The following GOLGA3 variants were observed in gnomAD, a reference collection of about 807,000 sequenced individuals.
The protein encoded by GOLGA3 is golgin subfamily A member 3.
GOLGA3 carries 75 observed loss-of-function variants against 169.4 expected under a neutral mutation model. That is an observed-to-expected ratio of 0.44 (90% CI 0.37 to 0.54). GOLGA3 has a LOEUF of 0.54. GOLGA3 is among the 20% of genes least tolerant of loss of function. The pLI, the probability that GOLGA3 is intolerant of heterozygous loss-of-function variation, is 0.00. For missense variants in GOLGA3, 1,899 were observed against 1,930.0 expected, an observed-to-expected ratio of 0.98 and a Z score of 0.30; for synonymous variants, 824 against 822.4, an observed-to-expected ratio of 1.00 and a Z score of -0.03.
rs1437943434 is a variant in GOLGA3, at chr12:132,796,943, G to A, written c.1939-243C>T. Among the ~76,000 whole-genome samples, 3 of 152,262 alleles carry A rather than the reference G, an allele frequency of 2.0e-5. No individual in the cohort carries two copies. The East Asian group carries it at 5.8e-4, about 29-fold the overall frequency. ...GTGAGAAGGACTTGGACCCACTGGT[G>A]AGCAGAGCCTCCCCGACTTTCTCGT... On this transcript the variant is annotated intron_variant, in intron 9 of 23. Coordinates refer to ENST00000450791, the MANE Select transcript of GOLGA3 (RefSeq NM_001389683.1).
chr12:132,809,789 T>G (rs1013879394), intron 4 of GOLGA3, among the ~76,000 whole-genome samples: 3 of 152,244 alleles, frequency 2.0e-5, no homozygotes, highest in African/African-American at 7.2e-5. Context: ...CTAAGATCTA[T>G]ATCTGGTGTA....
intron 4 of GOLGA3, among the ~76,000 whole-genome samples, chr12:132,809,338 G>A (rs866597705): frequency 2.6e-5 from 4 of 152,158 alleles, no homozygotes; most frequent in East Asian, 1.9e-4. Context: ...GGATAACTGC[G>A]GGCAGGCCTG....
chr12:132,814,023 CTTTTT>C (rs34633724), intron 3 of GOLGA3, among the ~76,000 whole-genome samples: 17 of 102,984 alleles, frequency 1.7e-4, no homozygotes, highest in African/African-American at 1.9e-4. Context: ...CGCGCCCGGC[CTTTTT>C]TTTTTTTTTT....
intron 8 of GOLGA3, among the ~76,000 whole-genome samples, chr12:132,799,816 C>G (rs1949042913): frequency 6.6e-6 from 1 of 152,036 alleles, no homozygotes; most frequent in East Asian, 1.9e-4. Context: ...TCTTGGCTCA[C>G]TACAACCTCT....
At position 132,771,025 on chromosome 12, in the gene GOLGA3, A is replaced by G. The variant is rs1414985667; in HGVS notation, c.*2080T>C. The G allele has an allele frequency of 2.0e-5, 3 of 152,652 alleles. No homozygotes were observed. The highest frequency in any genetic ancestry group is 7.2e-5 in the African/African-American group (3 of 41,456). 9.5% of individuals were successfully genotyped at this position (152,652 alleles called of 1,614,324 possible). ...GCCGTATTTTTTTTTCTAATGGTAC[A>G]AGAACAATTTAGTAAATAACATCTT... On this transcript the variant is annotated 3_prime_UTR_variant, in exon 24 of 24. Coordinates refer to ENST00000450791, the MANE Select transcript of GOLGA3 (RefSeq NM_001389683.1).
intron 7 of GOLGA3, among the ~76,000 whole-genome samples, chr12:132,803,815 C>G (rs1208763844): frequency 6.6e-6 from 1 of 152,154 alleles, no homozygotes; most frequent in Non-Finnish European, 1.5e-5. Flanking sequence ...ACCAGGGACC[C>G]CTGGCTCAGG....
At chr12:132,828,109 A>G (rs543848024) in intron 1 of GOLGA3, among the ~76,000 whole-genome samples, 1 of 151,786 alleles carries the variant, frequency 6.6e-6, no homozygotes, top group Non-Finnish European at 1.5e-5. Flanking sequence ...TTTTCTCACA[A>G]TTTTGCCTGG....
chr12:132,816,462 G>T, intron 3 of GOLGA3, 78 bp downstream of exon 3: 1 of 1,441,718 alleles, frequency 6.9e-7, no homozygotes, highest in Non-Finnish European at 9.6e-7. Context: ...CAGACAGTGA[G>T]TGCGCAGGGC....
At chr12:132,780,231 GCA>G (rs748422072) in intron 18 of GOLGA3, among the ~76,000 whole-genome samples, 2 of 152,062 alleles carry the variant, frequency 1.3e-5, no homozygotes, top group Non-Finnish European at 2.9e-5. Context: ...CCCCCCATGT[GCA>G]CACACACGGC....
chr12:132,774,122 G>C, intron 23 of GOLGA3, 35 bp downstream of exon 23: 1 of 1,531,860 alleles, frequency 6.5e-7, no homozygotes, highest in Non-Finnish European at 8.8e-7. Context: ...TAATCTTTAA[G>C]ACTAGCTGAA....
chr12:132,782,770 G>A (rs1188959687), intron 16 of GOLGA3, among the ~76,000 whole-genome samples: 1 of 151,862 alleles, frequency 6.6e-6, no homozygotes, highest in Non-Finnish European at 1.5e-5. Flanking sequence ...CAGCTACTCA[G>A]GAGGCTGAGG....
At chr12:132,814,139 C>T (rs75343869) in intron 3 of GOLGA3, among the ~76,000 whole-genome samples, 2 of 151,568 alleles carry the variant, frequency 1.3e-5, no homozygotes, top group Admixed American at 6.6e-5. Flanking sequence ...ATTCTCCTGC[C>T]ACAGCCTCCT....
At position 132,784,302 on chromosome 12, in the gene GOLGA3, C is replaced by T; in HGVS notation, c.3129G>A (p.Arg1043=). ...GCAGCTCCGCCTCCAGGGCCTGGAT[C>T]CTTTCCTAAGGGCCAAGATGGAACG... is the stretch of plus-strand genomic sequence containing the variant. ...SSDSSLALHE[R]IQALEAELQA... The change falls in exon 16 of 24, where the codon AGG becomes AGA. Residue 1043 remains arginine, a synonymous_variant. Coordinates refer to ENST00000450791, the MANE Select transcript of GOLGA3 (RefSeq NM_001389683.1). The T allele has an allele frequency of 6.2e-7, 1 of 1,606,834 alleles. No individual in the cohort carries two copies. Among genetic ancestry groups the T allele is most frequent in the Non-Finnish European group, 8.5e-7 (1 of 1,179,340 alleles).
rs63295864 is a variant in GOLGA3 at position 132,782,875 on chromosome 12, C to CA, written c.3268-383dup. Among the ~76,000 whole-genome samples the CA allele has an allele frequency of 9.3e-3, 953 of 102,034 alleles. 4 individuals are homozygous for CA. The highest frequency in any genetic ancestry group is 0.016 in the South Asian group (49 of 3,120). 66.9% of individuals were successfully genotyped at this position (102,034 alleles called of 152,430 possible). Reference sequence around the variant, plus strand: ...TGGGCAACACAGCGAGACTCTGTCTCAAAAAAAAAAAAAAAAAGAAAAAGA... The same window carrying CA: ...TGGGCAACACAGCGAGACTCTGTCTCAAAAAAAAAAAAAAAAAAGAAAAAGA... On this transcript the variant is annotated intron_variant, in intron 16 of 23. Transcript: ENST00000450791.
At position 132,773,191 on chromosome 12, in the gene GOLGA3, C is replaced by T. The variant is rs1231685099; in HGVS notation, c.4411G>A (p.Val1471Met). ...TPLEPATASP[V>M]PPGGHAGPRG... ...GGGCCGGCGTGACCCCCCGGGGGCA[C>T]AGGGCTGGCAGTGGCTGGCTCCAGC... is the stretch of plus-strand genomic sequence containing the variant. Residue 1471 changes from valine to methionine, a missense_variant, in exon 24 of 24, where the codon GTG (valine) becomes ATG (methionine). Coordinates refer to ENST00000450791, the MANE Select transcript of GOLGA3 (RefSeq NM_001389683.1). 4 of 1,584,874 alleles carry T rather than the reference C, an allele frequency of 2.5e-6. No individual in the cohort carries two copies. In the South Asian group the frequency reaches 4.6e-5, roughly 18 times the overall value.
intron 4 of GOLGA3, among the ~76,000 whole-genome samples, chr12:132,810,626 C>G (rs143220916): frequency 0.029 from 4,358 of 152,346 alleles, 82 homozygotes; most frequent in Non-Finnish European, 0.046. Context: ...TGCGAGCCTT[C>G]TGTTATGCCC....
At position 132,784,310 on chromosome 12, in the gene GOLGA3, A is replaced by C; in HGVS notation, c.3124-3T>G. The C allele has an allele frequency of 6.2e-7, 1 of 1,605,070 alleles. No homozygotes were observed. Among genetic ancestry groups the C allele is most frequent in the South Asian group, 1.1e-5 (1 of 90,956 alleles). ...GCCTCCAGGGCCTGGATCCTTTCCT[A>C]AGGGCCAAGATGGAACGGGCGCTTG... On this transcript the variant is annotated splice_region_variant and splice_polypyrimidine_tract_variant and intron_variant, in intron 15 of 23. Coordinates refer to ENST00000450791, the MANE Select transcript of GOLGA3 (RefSeq NM_001389683.1).
In GOLGA3 at chr12:132,772,891, T is replaced by G; in HGVS notation, c.*214A>C. 1 of 490,798 alleles carries G rather than the reference T, an allele frequency of 2.0e-6. No homozygotes were observed. 30.4% of individuals were successfully genotyped at this position (490,798 alleles called of 1,614,324 possible). A position where few individuals can be genotyped will look rare whatever the true frequency, so the allele number is the denominator to read the frequency against. On this transcript the variant is annotated 3_prime_UTR_variant, in exon 24 of 24. Coordinates refer to ENST00000450791, the MANE Select transcript of GOLGA3 (RefSeq NM_001389683.1). ...CTCCTCGCCGAGAGCCTATCAGGCT[T>G]TTAAGAGTTGGTCATTCCATGTGAA...
At chr12:132,818,138 A>C (rs867526861) in intron 2 of GOLGA3, among the ~76,000 whole-genome samples, 148 of 100,446 alleles carry the variant, frequency 1.5e-3, no homozygotes, top group African/African-American at 4.4e-3. Context: ...AGGTGAACCC[A>C]CCCTCCACTC....
Sources: gnomAD v4.1 joint callset for allele counts (sites outside exome capture counted in the v4.1 genomes callset) on GRCh38, gnomAD v4.1.1 for gene constraint, MANE v1.5 for transcripts, NCBI Gene and HGNC (gene_info 2026-07-23, HGNC 2026-07-21) for gene names.